Variants in AFG2A observed in about 807,000 individuals in gnomAD.
AFG2A encodes ATPase family gene 2 protein homolog A.
At chr4:123,013,065 TA>T in the AFG2A span, among the ~76,000 whole-genome samples, 76 of 151,864 alleles carry the variant, frequency 5.0e-4, 1 homozygote, top group African/African-American at 1.7e-3. Flanking sequence ...CAAAGGGAGA[TA>T]GGGGTGGGGC....
chr4:123,089,400 C>T, the AFG2A span, among the ~76,000 whole-genome samples: 1 of 152,166 alleles, frequency 6.6e-6, no homozygotes, highest in Non-Finnish European at 1.5e-5. Context: ...ATTGAATTTA[C>T]ATGTTTAATA....
chr4:123,198,268 C>CA, the AFG2A span, among the ~76,000 whole-genome samples: 3,711 of 140,488 alleles, frequency 0.026, 146 homozygotes, highest in African/African-American at 0.094. Flanking sequence ...CACTCCGTCT[C>CA]AAAAAAAAAA....
At chr4:123,129,604 G>A in the AFG2A span, among the ~76,000 whole-genome samples, 2 of 151,956 alleles carry the variant, frequency 1.3e-5, no homozygotes, top group African/African-American at 4.8e-5. Context: ...TTTGTTTTAC[G>A]TGACACAGTA....
the AFG2A span, among the ~76,000 whole-genome samples, chr4:123,254,850 C>T: frequency 6.6e-6 from 1 of 152,156 alleles, no homozygotes; most frequent in Admixed American, 6.5e-5. Flanking sequence ...TAAGAAGGCT[C>T]ATTTGACTGC....
chr4:123,249,002 A>G, the AFG2A span, among the ~76,000 whole-genome samples: 9 of 152,206 alleles, frequency 5.9e-5, no homozygotes, highest in Non-Finnish European at 1.2e-4. Flanking sequence ...ATCAATATAG[A>G]TATAAAAACA....
the AFG2A span, among the ~76,000 whole-genome samples, chr4:123,230,939 A>G: frequency 1.3e-5 from 2 of 152,150 alleles, no homozygotes; most frequent in South Asian, 2.1e-4. Flanking sequence ...CAGTGGGCTT[A>G]AAATATCCAG....
chr4:123,284,410 T>C, the AFG2A span, among the ~76,000 whole-genome samples: 2 of 152,248 alleles, frequency 1.3e-5, no homozygotes, highest in African/African-American at 4.8e-5. Flanking sequence ...GCCCAGTATT[T>C]GATTTATACA....
At chr4:122,951,472 A>G in the AFG2A span, among the ~76,000 whole-genome samples, 429 of 151,714 alleles carry the variant, frequency 2.8e-3, 7 homozygotes, top group African/African-American at 9.9e-3. Context: ...ACGCACACAC[A>G]TGTAATCAGA....
chr4:123,268,039 A>G, the AFG2A span, among the ~76,000 whole-genome samples: 5 of 152,150 alleles, frequency 3.3e-5, no homozygotes, highest in African/African-American at 1.2e-4. Context: ...GACAATCAAT[A>G]TATAATTTAT....
At chr4:123,127,099 T>C in the AFG2A span, among the ~76,000 whole-genome samples, 6 of 152,076 alleles carry the variant, frequency 3.9e-5, no homozygotes, top group Admixed American at 3.9e-4. Flanking sequence ...ACTCAGGAGG[T>C]TGAGGCAGGA....
the AFG2A span, among the ~76,000 whole-genome samples, chr4:123,037,053 C>T: frequency 1.3e-5 from 2 of 151,950 alleles, no homozygotes; most frequent in East Asian, 3.9e-4. Context: ...CTTAGGTTAA[C>T]GTGCCTTCCC....
At chr4:123,090,100 G>A in the AFG2A span, among the ~76,000 whole-genome samples, 2 of 152,178 alleles carry the variant, frequency 1.3e-5, no homozygotes, top group African/African-American at 4.8e-5. Flanking sequence ...TAATATTTAT[G>A]AAGAAACATC....
At chr4:123,281,963 A>T in the AFG2A span, among the ~76,000 whole-genome samples, 1 of 152,176 alleles carries the variant, frequency 6.6e-6, no homozygotes, top group Admixed American at 6.5e-5. Flanking sequence ...GGCAGAGCAC[A>T]GAGGATTTTT....
the AFG2A span, among the ~76,000 whole-genome samples, chr4:123,005,469 T>G: frequency 2.6e-5 from 4 of 152,276 alleles, no homozygotes; most frequent in East Asian, 7.7e-4. Flanking sequence ...TTTATTGGTT[T>G]TCTGTTTTCT....
At chr4:123,273,337 G>A in the AFG2A span, among the ~76,000 whole-genome samples, 1 of 152,074 alleles carries the variant, frequency 6.6e-6, no homozygotes, top group East Asian at 1.9e-4. Context: ...AACATACTGA[G>A]TTTGAGGTGT....
the AFG2A span, among the ~76,000 whole-genome samples, chr4:123,173,352 T>G: frequency 2.3e-4 from 27 of 117,474 alleles, no homozygotes; most frequent in African/African-American, 7.5e-4. Context: ...TTTTTTTTTT[T>G]TTTTTTTTTT....
At chr4:123,300,371 A>AT in the AFG2A span, among the ~76,000 whole-genome samples, 1 of 152,102 alleles carries the variant, frequency 6.6e-6, no homozygotes, top group African/African-American at 2.4e-5. Flanking sequence ...CACATATATA[A>AT]TTTTTTGTTG....
At chr4:123,295,487 C>G in the AFG2A span, among the ~76,000 whole-genome samples, 1 of 152,232 alleles carries the variant, frequency 6.6e-6, no homozygotes, top group Non-Finnish European at 1.5e-5. Flanking sequence ...GTTAAATAAA[C>G]TATGCTCCTA....
the AFG2A span, among the ~76,000 whole-genome samples, chr4:123,007,528 C>CTA: frequency 6.9e-3 from 947 of 136,784 alleles, 38 homozygotes; most frequent in South Asian, 0.11. Flanking sequence ...TTCTCCATGC[C>CTA]TATATATATA....
Sources: gnomAD v4.1 joint callset for allele counts (sites outside exome capture counted in the v4.1 genomes callset) on GRCh38, gnomAD v4.1.1 for gene constraint, MANE v1.5 for transcripts, NCBI Gene and HGNC (gene_info 2026-07-23, HGNC 2026-07-21) for gene names.